TBX15: variants seen among roughly 807,000 people sequenced by gnomAD.
TBX15 encodes T-box transcription factor TBX15.
Under a neutral mutation model 53.9 loss-of-function variants are expected in TBX15, and 18 were observed. The observed-to-expected ratio is 0.33, with a 90% CI of 0.23 to 0.49. The LOEUF is 0.49. Among genes scored for constraint, TBX15 ranks in the 20% least tolerant of loss-of-function variants. The pLI is 0.98. For missense variants in TBX15, 692 were observed against 749.5 expected (o/e 0.92, Z 0.90); for synonymous variants, 295 against 278.0 (o/e 1.06, Z -0.61).
chr1:118,928,516 C>T (rs574280254), intron 2 of TBX15, among the ~76,000 whole-genome samples: 4 of 152,326 alleles, frequency 2.6e-5, no homozygotes, highest in African/African-American at 9.6e-5. Flanking sequence ...TTGATCTACA[C>T]ATTTAAATAC....
intron 1 of TBX15, among the ~76,000 whole-genome samples, chr1:118,956,809 G>A (rs1779417): frequency 0.054 from 8,262 of 151,720 alleles, 271 homozygotes; most frequent in Middle Eastern, 0.085. Flanking sequence ...AAAATTAGCC[G>A]GAAATTAGCC....
In TBX15 at chr1:118,885,058, T is replaced by G; in HGVS notation, c.1483A>C (p.Met495Leu). ...NAASSSSSPH[M>L]FGGSHMQQSS... ...TGCTGCATGTGGCTGCCCCCGAACA[T>G]GTGTGGTGATGAGGAGCTGGAGGCA... The change falls in exon 8 of 8, where the codon ATG (methionine) becomes CTG (leucine). Residue 495 changes from methionine (M) to leucine (L), a missense_variant. Met to Leu is a conservative substitution (Grantham distance 15). This residue lies in a region of TBX15 where 375 missense variants were observed against 371.6 expected (regional missense o/e 1.01). Transcript: ENST00000369429. 9 of 1,614,056 alleles carry G rather than the reference T, an allele frequency of 5.6e-6. No individual in the cohort carries two copies. The highest frequency in any genetic ancestry group is 7.6e-6 in the Non-Finnish European group (9 of 1,180,010).
intron 1 of TBX15, among the ~76,000 whole-genome samples, chr1:118,945,768 T>C (rs1242914551): frequency 6.6e-6 from 1 of 152,226 alleles, no homozygotes; most frequent in Non-Finnish European, 1.5e-5. Flanking sequence ...CAAGCCTCTA[T>C]GCATCACTGG....
At chr1:118,920,412 A>G (rs1033748134) in intron 5 of TBX15, among the ~76,000 whole-genome samples, 1 of 152,196 alleles carries the variant, frequency 6.6e-6, no homozygotes, top group Admixed American at 6.5e-5. Context: ...GCATTCCTGG[A>G]AAAGAAAAAG....
At chr1:118,959,800 A>C (rs935010755) in intron 1 of TBX15, among the ~76,000 whole-genome samples, 1 of 152,248 alleles carries the variant, frequency 6.6e-6, no homozygotes, top group African/African-American at 2.4e-5. Flanking sequence ...CAATAAATTC[A>C]GTACATCCAA....
intron 1 of TBX15, among the ~76,000 whole-genome samples, chr1:118,982,218 C>CA (rs577809227): frequency 1.8e-4 from 28 of 152,206 alleles, no homozygotes; most frequent in African/African-American, 3.1e-4. Flanking sequence ...CTTTAAAAAA[C>CA]AAAAAACAAA....
At chr1:118,919,881 A>T (rs1557884152) in intron 5 of TBX15, among the ~76,000 whole-genome samples, 1 of 152,224 alleles carries the variant, frequency 6.6e-6, no homozygotes, top group African/African-American at 2.4e-5. Flanking sequence ...AATAAGTGAC[A>T]TTTTTATATC....
intron 2 of TBX15, among the ~76,000 whole-genome samples, chr1:118,930,410 T>G (rs1655740272): frequency 6.6e-6 from 1 of 152,138 alleles, no homozygotes; most frequent in Non-Finnish European, 1.5e-5. Context: ...ATTTATTTAT[T>G]TGTTTGTTTA....
At chr1:118,987,104 TCGAA>T (rs1315432057) in intron 1 of TBX15, among the ~76,000 whole-genome samples, 1 of 152,154 alleles carries the variant, frequency 6.6e-6, no homozygotes, top group Non-Finnish European at 1.5e-5. Context: ...TGTTCCACCA[TCGAA>T]AAGTTGGTGG....
intron 6 of TBX15, among the ~76,000 whole-genome samples, chr1:118,902,444 CA>C (rs1371590409): frequency 6.6e-6 from 1 of 152,152 alleles, no homozygotes; most frequent in African/African-American, 2.4e-5. Flanking sequence ...GATAAGATCT[CA>C]AATGATATGC....
chr1:118,905,100 T>C (rs1300533399), intron 6 of TBX15, among the ~76,000 whole-genome samples: 1 of 152,246 alleles, frequency 6.6e-6, no homozygotes, highest in Non-Finnish European at 1.5e-5. Context: ...CTCCTCAGAC[T>C]GTAACCTATA....
At chr1:118,885,588 C>T in intron 7 of TBX15, 72 bp from the exon 8 acceptor site, 1 of 1,535,002 alleles carries the variant, frequency 6.5e-7, no homozygotes, top group South Asian at 1.2e-5. Context: ...ACATGCAAGC[C>T]ATACAGGAGG....
intron 6 of TBX15, 96 bp downstream of exon 6, chr1:118,914,019 G>A: frequency 3.3e-6 from 4 of 1,212,496 alleles, no homozygotes; most frequent in South Asian, 2.5e-5. Context: ...GAGCATACAG[G>A]TGTTTTCTAA....
In TBX15 at chr1:118,987,914, G is replaced by A. The variant is rs924328382; in HGVS notation, c.-119C>T. On this transcript the variant is annotated 5_prime_UTR_variant, in exon 1 of 8. Coordinates refer to ENST00000369429, the MANE Select transcript of TBX15 (RefSeq NM_001330677.2). ...GAGAGGCGGAGGCGCGTCGGACGAG[G>A]CTGAGACTGCGGCTCGCGGGTCTCT... 3.9e-6 allele frequency: 5 copies of A among 1,276,312 alleles called. No individual in the cohort carries two copies. In the Admixed American group the frequency reaches 9.2e-5, roughly 23 times the overall value. 79.1% of individuals were successfully genotyped at this position (1,276,312 alleles called of 1,614,324 possible). A position where few individuals can be genotyped will look rare whatever the true frequency, so the allele number is the denominator to read the frequency against.
intron 7 of TBX15, among the ~76,000 whole-genome samples, chr1:118,887,671 C>CAAA (rs200343289): frequency 2.2e-5 from 2 of 90,136 alleles, no homozygotes; most frequent in African/African-American, 3.4e-5. Flanking sequence ...GCAAAACTCT[C>CAAA]AAAAAAAAAA....
intron 1 of TBX15, among the ~76,000 whole-genome samples, chr1:118,976,273 T>A (rs556347470): frequency 6.6e-6 from 1 of 152,326 alleles, no homozygotes; most frequent in African/African-American, 2.4e-5. Flanking sequence ...GGTTTTCTTT[T>A]AATTTAGTCT....
At position 118,931,751 on chromosome 1, in the gene TBX15, G is replaced by C. The variant is rs763284541; in HGVS notation, c.287C>G (p.Ala96Gly). The C allele has an allele frequency of 6.2e-7, 1 of 1,613,460 alleles. No homozygotes were observed. The highest frequency in any genetic ancestry group is 8.5e-7 in the Non-Finnish European group (1 of 1,179,674). Reference sequence around the variant, plus strand: ...AGGCACAGGGCCTGCAGCACCAGAGGCCAGGTCAGTGTGAGTACTGAAGGA... The same window carrying C: ...AGGCACAGGGCCTGCAGCACCAGAGCCCAGGTCAGTGTGAGTACTGAAGGA... Reference protein sequence around the residue: ...SCSFSTHTDLASGAAGPVPAA... With the variant: ...SCSFSTHTDLGSGAAGPVPAA... The change falls in exon 2 of 8, where the codon GCC (alanine) becomes GGC (glycine). Residue 96 changes from alanine to glycine, a missense_variant. Coordinates refer to ENST00000369429, the MANE Select transcript of TBX15 (RefSeq NM_001330677.2).
At chr1:118,930,887 T>G (rs918778723) in intron 2 of TBX15, among the ~76,000 whole-genome samples, 1 of 152,234 alleles carries the variant, frequency 6.6e-6, no homozygotes, top group African/African-American at 2.4e-5. Flanking sequence ...TTAATGTCTT[T>G]CATCCTCTGC....
At chr1:118,893,338 AAGGAAGGAAGG>A (rs1654233956) in intron 7 of TBX15, among the ~76,000 whole-genome samples, 1 of 65,730 alleles carries the variant, frequency 1.5e-5, no homozygotes, top group African/African-American at 9.9e-5. Context: ...AGAAAGAAGG[AAGGAAGGAAGG>A]AAGGAAGGAA....
Sources: gnomAD v4.1 joint callset for allele counts (sites outside exome capture counted in the v4.1 genomes callset) on GRCh38, gnomAD v4.1.1 for gene constraint, gnomAD v4.1.1 regional missense constraint, MANE v1.5 for transcripts, NCBI Gene and HGNC (gene_info 2026-07-23, HGNC 2026-07-21) for gene names.